The following ANK2 variants were observed in gnomAD, a reference collection of about 807,000 sequenced individuals.
ANK2 encodes the protein ankyrin 2.
In ANK2, 83 loss-of-function variants were observed where a neutral mutation model predicts 360.5. The ratio of observed to expected loss-of-function variants is 0.23; its 90% confidence interval spans 0.19 to 0.28. The LOEUF (loss-of-function observed/expected upper bound fraction) is 0.28, where lower values mean the gene tolerates loss of function less well. Among genes scored for constraint, ANK2 ranks in the 10% least tolerant of loss-of-function variants. ANK2 has a pLI of 1.00. For missense variants in ANK2, 4,201 were observed against 4,795.7 expected (o/e 0.88, Z 3.66); for synonymous variants, 1,740 against 1,759.5 (o/e 0.99, Z 0.28).
At chr4:113,098,127 A>G (rs1174161548) in intron 1 of ANK2, among the ~76,000 whole-genome samples, 1 of 151,676 alleles carries the variant, frequency 6.6e-6, no homozygotes, top group Non-Finnish European at 1.5e-5. Context: ...ATTAAAATCC[A>G]TCAATCTAAG....
At chr4:113,277,636 T>G (rs29389) in intron 15 of ANK2, among the ~76,000 whole-genome samples, 1 of 152,228 alleles carries the variant, frequency 6.6e-6, no homozygotes, top group East Asian at 1.9e-4. Context: ...TTTCTTTTAT[T>G]CAGTCTATCA....
At chr4:113,132,058 C>A (rs190311186) in intron 1 of ANK2, among the ~76,000 whole-genome samples, 2 of 151,902 alleles carry the variant, frequency 1.3e-5, no homozygotes, top group Non-Finnish European at 2.9e-5. Flanking sequence ...ATATTTTTTA[C>A]CATATAAAAG....
Position 113,037,114 on chromosome 4 carries a change from T to C in ANK2, c.21+132600T>C, listed in dbSNP as rs149502988. On this transcript the variant is annotated intron_variant, in intron 2 of 30. Coordinates refer to the ANK2 transcript ENST00000503271. ...GTCTCATATCTTCTGCCACAATCTA[T>C]GAGATTGTAGCAAACTAACTTGTTA... Among the ~76,000 whole-genome samples, 287 of 152,102 alleles carry C rather than the reference T, an allele frequency of 1.9e-3. 2 individuals are homozygous for C. Among genetic ancestry groups the C allele is most frequent in the African/African-American group, 6.6e-3 (276 of 41,552 alleles).
At chr4:112,870,487 G>A (rs2072563467) in intron 1 of ANK2, among the ~76,000 whole-genome samples, 1 of 152,068 alleles carries the variant, frequency 6.6e-6, no homozygotes, top group Non-Finnish European at 1.5e-5. Context: ...TTTTCCATAT[G>A]GTATGAGGGA....
intron 1 of ANK2, among the ~76,000 whole-genome samples, chr4:113,143,639 T>TAC (rs2096725091): frequency 6.6e-6 from 1 of 152,186 alleles, no homozygotes; most frequent in African/African-American, 2.4e-5. Flanking sequence ...TTGGTTGGCA[T>TAC]TCTTTGTTTT....
At chr4:113,297,155 G>A (rs1385727024) in intron 22 of ANK2, among the ~76,000 whole-genome samples, 1 of 152,022 alleles carries the variant, frequency 6.6e-6, no homozygotes, top group Non-Finnish European at 1.5e-5. Flanking sequence ...TCTAGTGTTA[G>A]GCAGCACAGC....
chr4:112,708,031 G>T, the ANK2 span, among the ~76,000 whole-genome samples: 1 of 152,140 alleles, frequency 6.6e-6, no homozygotes, highest in Non-Finnish European at 1.5e-5. Context: ...TGGAATTATT[G>T]GTCCTTCCAG....
chr4:112,894,401 G>A (rs1261251816), intron 1 of ANK2, among the ~76,000 whole-genome samples: 1 of 152,036 alleles, frequency 6.6e-6, no homozygotes, highest in Non-Finnish European at 1.5e-5. Flanking sequence ...GTTACATACG[G>A]ATATGTAGTA....
At chr4:113,265,175 G>A (rs997062114) in intron 14 of ANK2, among the ~76,000 whole-genome samples, 180 bp downstream of exon 14, 3 of 151,770 alleles carry the variant, frequency 2.0e-5, no homozygotes, top group Non-Finnish European at 2.9e-5. Context: ...TACACACGAC[G>A]AAAAATGCAC....
At chr4:112,852,456 A>G (rs75683254) in intron 1 of ANK2, among the ~76,000 whole-genome samples, 1 of 152,322 alleles carries the variant, frequency 6.6e-6, no homozygotes, top group African/African-American at 2.4e-5. Flanking sequence ...GAATTCTTAT[A>G]CATTTTATGT....
In ANK2 at chr4:113,277,872, T is replaced by C. The variant is rs2060800889; in HGVS notation, c.1719T>C (p.Tyr573=). Residue 573 remains tyrosine (Y), a synonymous_variant, in exon 16 of 46, where the codon TAT becomes TAC. Transcript: ENST00000357077. Reference sequence around the variant, plus strand: ...CTCCCCTGCATGTAGCAGCCAAGTATGGAAGCCTGGATGTGGCAAAACTTC... The same window carrying C: ...CTCCCCTGCATGTAGCAGCCAAGTACGGAAGCCTGGATGTGGCAAAACTTC... ...GFTPLHVAAK[Y]GSLDVAKLLL... is the part of the protein sequence containing the mutation. The C allele has an allele frequency of 6.2e-7, 1 of 1,614,006 alleles. No individual in the cohort carries two copies. Among genetic ancestry groups the C allele is most frequent in the African/African-American group, 1.3e-5 (1 of 74,936 alleles).
At chr4:112,803,082 A>C in the ANK2 span, among the ~76,000 whole-genome samples, 94,635 of 151,844 alleles carry the variant, frequency 0.62, 31,252 homozygotes, top group East Asian at 0.93. Context: ...ATTTAGGAAG[A>C]CTGTCTCGAC....
intron 2 of ANK2, among the ~76,000 whole-genome samples, chr4:113,020,719 G>A (rs1203907617): frequency 2.0e-5 from 3 of 151,664 alleles, no homozygotes; most frequent in Admixed American, 2.0e-4. Flanking sequence ...CCAGCTACTC[G>A]GGAGACTGAG....
At chr4:112,864,378 C>T (rs1355476549) in intron 1 of ANK2, among the ~76,000 whole-genome samples, 1 of 152,114 alleles carries the variant, frequency 6.6e-6, no homozygotes, top group Non-Finnish European at 1.5e-5. Flanking sequence ...GGCATGATCT[C>T]AGCTCTATGC....
chr4:112,826,510 A>T, intron 1 of ANK2: 1 of 1,219,770 alleles, frequency 8.2e-7, no homozygotes, highest in Admixed American at 1.8e-5. Flanking sequence ...ACATCTGACA[A>T]GCCTGTTATT....
chr4:112,971,458 A>G (rs193031540), intron 2 of ANK2, among the ~76,000 whole-genome samples: 66 of 152,222 alleles, frequency 4.3e-4, no homozygotes, highest in Non-Finnish European at 7.1e-4. Flanking sequence ...AAATAATACA[A>G]AATTAGTGTG....
chr4:112,788,253 C>G, the ANK2 span: 1 of 1,588,864 alleles, frequency 6.3e-7, no homozygotes, highest in Non-Finnish European at 8.5e-7. Context: ...GCGCCTTTGT[C>G]TTCCGAGTTC....
intron 4 of ANK2, among the ~76,000 whole-genome samples, chr4:113,215,505 G>A (rs1234932886): frequency 6.6e-6 from 1 of 152,122 alleles, no homozygotes; most frequent in African/African-American, 2.4e-5. Flanking sequence ...ATTCTCCATT[G>A]AGACTGAGAG....
chr4:113,258,252 G>A, intron 12 of ANK2, 61 bp from the exon 13 acceptor site: 1 of 1,588,776 alleles, frequency 6.3e-7, no homozygotes, highest in South Asian at 1.1e-5. Flanking sequence ...TTATTTATCT[G>A]AAGAAGCCCC....
Sources: gnomAD v4.1 joint callset for allele counts (sites outside exome capture counted in the v4.1 genomes callset) on GRCh38, gnomAD v4.1.1 for gene constraint, MANE v1.5 for transcripts, NCBI Gene and HGNC (gene_info 2026-07-23, HGNC 2026-07-21) for gene names.